Variants in PARD3B observed in about 807,000 individuals in gnomAD.
PARD3B encodes par-3 family cell polarity regulator beta, also known as partitioning defective 3 homolog B.
PARD3B carries 103 observed loss-of-function variants against 130.2 expected under a neutral mutation model. The ratio of observed to expected loss-of-function variants is 0.79; its 90% confidence interval spans 0.67 to 0.93. PARD3B has a LOEUF of 0.93. Ranked by LOEUF, PARD3B falls within the 40% of genes least tolerant of loss-of-function variation. The pLI is 0.00. For synonymous variants in PARD3B, 583 were observed against 553.2 expected (o/e 1.05, Z -0.76); for missense variants, 1,609 against 1,499.2 (o/e 1.07, Z -1.21).
At chr2:205,259,266 C>A in intron 16 of PARD3B, among the ~76,000 whole-genome samples, 1 of 152,108 alleles carries the variant, frequency 6.6e-6, no homozygotes, top group Non-Finnish European at 1.5e-5. Flanking sequence ...CTGAAGTATG[C>A]CTTCCAGACA....
rs151009977 is a variant in PARD3B at position 205,016,007 on chromosome 2, TG to T, written c.395-31572del. On this transcript the variant is annotated intron_variant, in intron 3 of 22. Transcript: ENST00000406610. Reference sequence around the variant, plus strand: ...CCTGGAAATGCAAAATGGGAAAAATTGGTTTTGTCTCTCCAAAATAAATCTC... The same window carrying T: ...CCTGGAAATGCAAAATGGGAAAAATTGTTTTGTCTCTCCAAAATAAATCTC... Among the ~76,000 whole-genome samples, 554 of 152,284 alleles carry T rather than the reference TG, an allele frequency of 3.6e-3. 5 individuals are homozygous for T. The highest frequency in any genetic ancestry group is 0.013 in the African/African-American group (532 of 41,550).
At chr2:205,009,398 A>G (rs1448883769) in intron 3 of PARD3B, among the ~76,000 whole-genome samples, 1 of 152,158 alleles carries the variant, frequency 6.6e-6, no homozygotes. Context: ...CCAGCCGGGC[A>G]TGGTGGCTCA....
At position 205,005,237 on chromosome 2, in the gene PARD3B, A is replaced by T. The variant is rs900959598; in HGVS notation, c.394+39914A>T. 3.9e-5 allele frequency among the ~76,000 whole-genome samples: 6 copies of T among 152,126 alleles called. No homozygotes were observed. In the South Asian group the frequency reaches 1.0e-3, roughly 26 times the overall value. Reference sequence around the variant, plus strand: ...GTACACAAAAAGTATATACACACATATATACAGCAAGAGAAAATAATATAA... The same window carrying T: ...GTACACAAAAAGTATATACACACATTTATACAGCAAGAGAAAATAATATAA... On this transcript the variant is annotated intron_variant, in intron 3 of 22. Coordinates refer to ENST00000406610, the MANE Select transcript of PARD3B (RefSeq NM_001302769.2).
In PARD3B at chr2:205,567,745, C is replaced by T. The variant is rs1162212618; in HGVS notation, c.3260+14342C>T. On this transcript the variant is annotated intron_variant, in intron 22 of 22. Coordinates refer to ENST00000406610, the MANE Select transcript of PARD3B (RefSeq NM_001302769.2). Reference sequence around the variant, plus strand: ...GTGTCCTAGGCAGGGCTTCTCCCCACCCCCGAGAAGAAGACTCTGAGACAG... The same window carrying T: ...GTGTCCTAGGCAGGGCTTCTCCCCATCCCCGAGAAGAAGACTCTGAGACAG... Among the ~76,000 whole-genome samples, 6 of 151,754 alleles carry T rather than the reference C, an allele frequency of 4.0e-5. No individual in the cohort carries two copies. The South Asian group carries it at 1.3e-3, about 32-fold the overall frequency.
Position 204,935,323 on chromosome 2 carries a change from A to T in PARD3B, c.223-29829A>T, listed in dbSNP as rs1575351622. 2.0e-5 allele frequency among the ~76,000 whole-genome samples: 3 copies of T among 150,020 alleles called. No homozygotes were observed. The South Asian group carries it at 6.3e-4, about 32-fold the overall frequency. Reference sequence around the variant, plus strand: ...GGCGGGCGGATCACAAGGTCAGGAGATCAAGACCATCCTGGCTAACACGGT... The same window carrying T: ...GGCGGGCGGATCACAAGGTCAGGAGTTCAAGACCATCCTGGCTAACACGGT... On this transcript the variant is annotated intron_variant, in intron 2 of 22. Coordinates refer to ENST00000406610, the MANE Select transcript of PARD3B (RefSeq NM_001302769.2).
At chr2:204,718,393 G>A (rs2038835529) in intron 2 of PARD3B, among the ~76,000 whole-genome samples, 1 of 152,154 alleles carries the variant, frequency 6.6e-6, no homozygotes, top group Non-Finnish European at 1.5e-5. Context: ...AATCATGGCG[G>A]AAGGGGAAGC....
At chr2:204,562,308 C>G (rs1372180907) in intron 1 of PARD3B, among the ~76,000 whole-genome samples, 2 of 152,174 alleles carry the variant, frequency 1.3e-5, no homozygotes, top group Admixed American at 6.5e-5. Flanking sequence ...GAAATCCTCA[C>G]AGCGCTAAGA....
intron 22 of PARD3B, among the ~76,000 whole-genome samples, chr2:205,577,270 A>G (rs2053796444): frequency 6.6e-6 from 1 of 151,850 alleles, no homozygotes; most frequent in Non-Finnish European, 1.5e-5. Context: ...TTTCTTTCCA[A>G]TCTGTATACC....
At chr2:204,599,057 G>GA (rs34247875) in intron 1 of PARD3B, among the ~76,000 whole-genome samples, 21 of 145,828 alleles carry the variant, frequency 1.4e-4, no homozygotes, top group South Asian at 4.3e-4. Flanking sequence ...TTTACAGTTT[G>GA]AAAAAAAAAA....
intron 7 of PARD3B, among the ~76,000 whole-genome samples, chr2:205,120,676 G>A (rs1559458595): frequency 1.3e-5 from 2 of 152,188 alleles, no homozygotes; most frequent in Non-Finnish European, 2.9e-5. Flanking sequence ...CTCGCCATGT[G>A]GCTACTATCC....
intron 10 of PARD3B, among the ~76,000 whole-genome samples, chr2:205,133,346 A>G (rs1197950048): frequency 1.3e-5 from 2 of 152,202 alleles, no homozygotes; most frequent in Admixed American, 6.5e-5. Context: ...TGTTAGAACA[A>G]TGGTTCTCAG....
At chr2:204,705,288 T>TG (rs2038086412) in intron 2 of PARD3B, among the ~76,000 whole-genome samples, 1 of 152,080 alleles carries the variant, frequency 6.6e-6, no homozygotes, top group Non-Finnish European at 1.5e-5. Flanking sequence ...CATATTCTTG[T>TG]GGGGAAAGGA....
intron 19 of PARD3B, among the ~76,000 whole-genome samples, chr2:205,437,946 G>T (rs753832053): frequency 3.9e-5 from 6 of 152,000 alleles, no homozygotes; most frequent in Non-Finnish European, 7.4e-5. Flanking sequence ...ATTGGGGGTG[G>T]GGGTGAGGGT....
rs1481275789 is a variant in PARD3B, at chr2:205,183,552, G to A, written c.1925-2212G>A. 6.6e-6 allele frequency among the ~76,000 whole-genome samples: 1 copy of A among 152,136 alleles called. No homozygotes were observed. The highest frequency in any genetic ancestry group is 2.4e-5 in the African/African-American group (1 of 41,432). On this transcript the variant is annotated intron_variant, in intron 13 of 22. Coordinates refer to ENST00000406610, the MANE Select transcript of PARD3B (RefSeq NM_001302769.2). The surrounding 1 kb of genome is among the most constrained non-coding windows in gnomAD (Gnocchi z 5.2). ...GGTGCAGGGGCACAGTGCAGGCGCT[G>A]CCTTTGTGCTTCTTTCCCCCTGGTC...
chr2:204,587,357 T>G (rs1487609802), intron 1 of PARD3B, among the ~76,000 whole-genome samples: 1 of 152,218 alleles, frequency 6.6e-6, no homozygotes, highest in Non-Finnish European at 1.5e-5. Flanking sequence ...AAAATTCAAT[T>G]TTCTATTTCC....
At chr2:205,324,634 C>T (rs1371069563) in intron 18 of PARD3B, among the ~76,000 whole-genome samples, 2 of 152,084 alleles carry the variant, frequency 1.3e-5, no homozygotes, top group Non-Finnish European at 2.9e-5. Flanking sequence ...CTGTCATATT[C>T]TGTGATATTG....
At chr2:204,727,192 C>CTTGT (rs761948288) in intron 2 of PARD3B, among the ~76,000 whole-genome samples, 2 of 152,048 alleles carry the variant, frequency 1.3e-5, no homozygotes, top group African/African-American at 2.4e-5. Flanking sequence ...TAACACAGCT[C>CTTGT]TTGTTTGTTT....
rs1205619882 is a variant in PARD3B, at chr2:205,480,278, C to CCAGAATACT, written c.3045-19616_3045-19608dup. ...AGGGCTTTGGCTCTAGCTGTTTTCT[C>CCAGAATACT]CAGAATACTCTTCATGGAGATTCTT... On this transcript the variant is annotated intron_variant, in intron 20 of 22. Transcript: ENST00000406610. Among the ~76,000 whole-genome samples the CCAGAATACT allele has an allele frequency of 1.1e-4, 16 of 152,276 alleles. No individual in the cohort carries two copies. In the East Asian group the frequency reaches 3.1e-3, roughly 29 times the overall value.
chr2:204,814,356 A>T (rs775831046), intron 2 of PARD3B, among the ~76,000 whole-genome samples: 1 of 151,716 alleles, frequency 6.6e-6, no homozygotes, highest in Non-Finnish European at 1.5e-5. Context: ...GTTATATATC[A>T]TGTACAATTA....
Sources: allele counts gnomAD v4.1 joint callset (sites outside exome capture counted in the v4.1 genomes callset), GRCh38; gene constraint gnomAD v4.1.1; non-coding constraint Gnocchi (gnomAD v3.1); transcripts MANE v1.5; gene names NCBI Gene and HGNC (gene_info 2026-07-23, HGNC 2026-07-21).